Variants in SYT1 observed in about 807,000 individuals in gnomAD.
SYT1 encodes the protein synaptotagmin-1.
In SYT1, 8 loss-of-function variants were observed where a neutral mutation model predicts 44.8. The ratio of observed to expected loss-of-function variants is 0.18; its 90% confidence interval spans 0.10 to 0.32. The LOEUF (loss-of-function observed/expected upper bound fraction) is 0.32. Ranked by LOEUF, SYT1 falls within the 10% of genes least tolerant of loss-of-function variation. The probability of loss-of-function intolerance (pLI) is 1.00; values close to 1 mark genes in which losing one functional copy is unlikely to be tolerated. For synonymous variants in SYT1, 154 were observed against 188.8 expected (o/e 0.82, Z 1.51); for missense variants, 286 against 509.3 (o/e 0.56, Z 4.22).
intron 1 of SYT1, among the ~76,000 whole-genome samples, chr12:78,935,885 A>G (rs1485550202): frequency 6.6e-6 from 1 of 152,170 alleles, no homozygotes; most frequent in Non-Finnish European, 1.5e-5. Context: ...CACCTAAGCT[A>G]TATCTTAGGG....
chr12:79,349,692 A>G (rs1466053807), intron 8 of SYT1, among the ~76,000 whole-genome samples: 1 of 152,186 alleles, frequency 6.6e-6, no homozygotes, highest in African/African-American at 2.4e-5. Flanking sequence ...ATTTTCCAAG[A>G]ACCCTTTTAG....
intron 1 of SYT1, among the ~76,000 whole-genome samples, chr12:78,885,507 A>T (rs955813843): frequency 6.6e-6 from 1 of 152,050 alleles, no homozygotes; most frequent in Non-Finnish European, 1.5e-5. Flanking sequence ...AGTTGGGAAT[A>T]TGAAGACAGA....
chr12:78,928,138 T>C (rs539871043), intron 1 of SYT1, among the ~76,000 whole-genome samples: 2 of 152,300 alleles, frequency 1.3e-5, no homozygotes, highest in African/African-American at 4.8e-5. Flanking sequence ...CTTGGCTGAC[T>C]TCGTTAGTAA....
At chr12:79,338,652 T>G (rs1182191379) in intron 8 of SYT1, among the ~76,000 whole-genome samples, 1 of 139,126 alleles carries the variant, frequency 7.2e-6, no homozygotes, top group Admixed American at 7.2e-5. Flanking sequence ...CTTTCTTCCT[T>G]CCTTCTTCCC....
chr12:78,945,968 A>G (rs1228441798), intron 1 of SYT1, among the ~76,000 whole-genome samples: 2 of 152,180 alleles, frequency 1.3e-5, no homozygotes, highest in African/African-American at 4.8e-5. Flanking sequence ...TTCCTCTTCA[A>G]TGGCACCACT....
chr12:79,232,880 G>T (rs768477324), intron 4 of SYT1, among the ~76,000 whole-genome samples: 1 of 152,206 alleles, frequency 6.6e-6, no homozygotes, highest in African/African-American at 2.4e-5. Flanking sequence ...AATCAAAGGC[G>T]ACATTCACTG....
At chr12:79,308,654 A>G (rs1880603427) in intron 8 of SYT1, among the ~76,000 whole-genome samples, 1 of 128,234 alleles carries the variant, frequency 7.8e-6, no homozygotes, top group Non-Finnish European at 1.7e-5. Context: ...GAAAGAAAGA[A>G]AGAAAAGAGA....
At chr12:79,300,803 A>T (rs1199920816) in intron 8 of SYT1, among the ~76,000 whole-genome samples, 4 of 138,328 alleles carry the variant, frequency 2.9e-5, no homozygotes, top group African/African-American at 1.1e-4. Flanking sequence ...ATATATATAT[A>T]TATATATATA....
chr12:79,274,033 G>A (rs528010851), intron 4 of SYT1, among the ~76,000 whole-genome samples: 3 of 152,308 alleles, frequency 2.0e-5, no homozygotes, highest in South Asian at 4.1e-4. Flanking sequence ...GCAGTGAGCC[G>A]AGATGGTGCC....
chr12:79,354,560 A>C lies in SYT1; in HGVS notation c.928+941A>C, dbSNP rs533920424. On this transcript the variant is annotated intron_variant, in intron 9 of 10. Coordinates refer to ENST00000261205, the MANE Select transcript of SYT1 (RefSeq NM_005639.3). ...CAGCTGAGCTTCCCCTCACTTACCC[A>C]CTAATTTGTCGACCAAATTCTCCTG... Among the ~76,000 whole-genome samples the C allele has an allele frequency of 4.7e-4, 71 of 152,258 alleles. 1 individual carries two copies. The highest frequency in any genetic ancestry group is 1.6e-3 in the African/African-American group (66 of 41,546).
chr12:79,298,739 G>A (rs1375282586), intron 7 of SYT1, among the ~76,000 whole-genome samples: 1 of 152,104 alleles, frequency 6.6e-6, no homozygotes, highest in African/African-American at 2.4e-5. Context: ...CCTAAGGCAT[G>A]TCATACCCAA....
intron 2 of SYT1, among the ~76,000 whole-genome samples, chr12:79,016,991 C>T (rs1871850238): frequency 6.6e-6 from 1 of 152,072 alleles, no homozygotes; most frequent in African/African-American, 2.4e-5. Context: ...GGACAAGGGG[C>T]TTATTGTGTT....
At chr12:78,986,993 T>C (rs1375886624) in intron 2 of SYT1, among the ~76,000 whole-genome samples, 1 of 152,060 alleles carries the variant, frequency 6.6e-6, no homozygotes, top group African/African-American at 2.4e-5. Context: ...TAATAAAACT[T>C]TCCTTTAATA....
intron 2 of SYT1, among the ~76,000 whole-genome samples, chr12:79,013,822 A>T (rs1871587904): frequency 6.6e-6 from 1 of 152,134 alleles, no homozygotes; most frequent in African/African-American, 2.4e-5. Context: ...CATTATGTCC[A>T]TTTTGTTAGA....
chr12:79,358,157 C>G (rs913220572), intron 9 of SYT1, among the ~76,000 whole-genome samples: 18 of 152,014 alleles, frequency 1.2e-4, no homozygotes, highest in Non-Finnish European at 8.8e-5. Context: ...TGAGGAATGT[C>G]AACACTGTAA....
intron 1 of SYT1, among the ~76,000 whole-genome samples, chr12:78,908,780 C>G (rs1224587775): frequency 6.6e-6 from 1 of 151,804 alleles, no homozygotes; most frequent in East Asian, 1.9e-4. Flanking sequence ...ACTATTTTGG[C>G]CCTTAGTAAA....
At chr12:79,161,128 T>C (rs1042614057) in intron 3 of SYT1, among the ~76,000 whole-genome samples, 4 of 152,040 alleles carry the variant, frequency 2.6e-5, no homozygotes, top group African/African-American at 9.7e-5. Context: ...TAGTCCCAGG[T>C]ACTCAGGATG....
At chr12:79,056,705 A>G (rs759646575) in intron 3 of SYT1, among the ~76,000 whole-genome samples, 1 of 152,108 alleles carries the variant, frequency 6.6e-6, no homozygotes, top group African/African-American at 2.4e-5. Context: ...ATGCCATTAC[A>G]TGGCAACTCT....
intron 9 of SYT1, among the ~76,000 whole-genome samples, chr12:79,440,479 C>A (rs1400458113): frequency 6.6e-6 from 1 of 152,030 alleles, no homozygotes; most frequent in Non-Finnish European, 1.5e-5. Context: ...GAGACAGTAG[C>A]CCAATTTTTT....
Sources: allele counts gnomAD v4.1 joint callset (sites outside exome capture counted in the v4.1 genomes callset), GRCh38; gene constraint gnomAD v4.1.1; transcripts MANE v1.5; gene names NCBI Gene and HGNC (gene_info 2026-07-23, HGNC 2026-07-21).